Variants in FERRY3 observed in about 807,000 individuals in gnomAD.
FERRY3 encodes FERRY endosomal RAB5 effector complex subunit 3.
the FERRY3 span, among the ~76,000 whole-genome samples, chr12:4,520,421 A>G: frequency 6.6e-6 from 1 of 152,220 alleles, no homozygotes; most frequent in East Asian, 1.9e-4. Flanking sequence ...ACAAGTAACA[A>G]GCCTACTGCT....
At chr12:4,521,493 G>T in the FERRY3 span, among the ~76,000 whole-genome samples, 10 of 152,094 alleles carry the variant, frequency 6.6e-5, no homozygotes, top group African/African-American at 2.4e-4. Context: ...GGGACGAAAA[G>T]AAAGGGACTT....
the FERRY3 span, chr12:4,517,256 A>AT: frequency 2.2e-6 from 3 of 1,365,468 alleles, no homozygotes; most frequent in Non-Finnish European, 2.9e-6. Context: ...TTTACTTACA[A>AT]TGAGATTTAG....
the FERRY3 span, among the ~76,000 whole-genome samples, chr12:4,537,799 G>A: frequency 3.3e-5 from 5 of 152,084 alleles, no homozygotes; most frequent in South Asian, 1.0e-3. Flanking sequence ...ACTACATAAA[G>A]GTATATTCTA....
chr12:4,528,938 C>A, the FERRY3 span, among the ~76,000 whole-genome samples: 1 of 118,682 alleles, frequency 8.4e-6, no homozygotes, highest in Admixed American at 8.5e-5. Context: ...CACACACACA[C>A]AAACAAAAGT....
the FERRY3 span, chr12:4,487,859 T>C: frequency 6.6e-6 from 1 of 152,138 alleles, no homozygotes; most frequent in Non-Finnish European, 1.5e-5. Flanking sequence ...ACATCATTCA[T>C]GAAGTGCTTT....
the FERRY3 span, chr12:4,518,247 A>C: frequency 6.2e-7 from 1 of 1,613,966 alleles, no homozygotes; most frequent in Admixed American, 1.7e-5. Flanking sequence ...ATGGTCTTCA[A>C]CTGGGCTCCT....
At chr12:4,523,423 C>T in the FERRY3 span, among the ~76,000 whole-genome samples, 1 of 152,158 alleles carries the variant, frequency 6.6e-6, no homozygotes, top group Non-Finnish European at 1.5e-5. Context: ...GGATCTAGAA[C>T]TAGAAATACC....
the FERRY3 span, among the ~76,000 whole-genome samples, chr12:4,493,406 C>T: frequency 1.3e-5 from 2 of 152,164 alleles, no homozygotes; most frequent in Admixed American, 1.3e-4. Context: ...TATCCATGGA[C>T]ATTTAAAAAG....
chr12:4,533,277 G>A, the FERRY3 span, among the ~76,000 whole-genome samples: 2 of 151,904 alleles, frequency 1.3e-5, no homozygotes, highest in Admixed American at 6.6e-5. Flanking sequence ...AAACTTTGCC[G>A]CCTTAAAAAA....
At chr12:4,531,911 T>A in the FERRY3 span, among the ~76,000 whole-genome samples, 8 of 152,068 alleles carry the variant, frequency 5.3e-5, no homozygotes, top group Admixed American at 2.0e-4. Flanking sequence ...CTACAATCTT[T>A]ACTGTGGAGT....
chr12:4,502,697 T>C, the FERRY3 span, among the ~76,000 whole-genome samples: 18 of 152,248 alleles, frequency 1.2e-4, no homozygotes, highest in African/African-American at 4.3e-4. This position sits in a 1 kb window ranked among gnomAD's most constrained non-coding sequence, Gnocchi z 4.2. Flanking sequence ...CTTAAAATAC[T>C]TAATATACTT....
chr12:4,487,735 T>C, the FERRY3 span: 1 of 152,336 alleles, frequency 6.6e-6, no homozygotes, highest in South Asian at 2.1e-4. Flanking sequence ...AGATGTTATA[T>C]TGTATTTTTA....
the FERRY3 span, among the ~76,000 whole-genome samples, chr12:4,506,727 T>TA: frequency 2.0e-5 from 3 of 152,170 alleles, no homozygotes; most frequent in Admixed American, 6.5e-5. Context: ...TTATTTTTTT[T>TA]AAATGTATAT....
the FERRY3 span, among the ~76,000 whole-genome samples, chr12:4,492,354 C>T: frequency 1.3e-5 from 2 of 152,236 alleles, no homozygotes; most frequent in East Asian, 1.9e-4. Context: ...TCACACAGCA[C>T]GTAGCTTCTG....
At chr12:4,501,374 G>C in the FERRY3 span, among the ~76,000 whole-genome samples, 3 of 152,096 alleles carry the variant, frequency 2.0e-5, no homozygotes, top group Non-Finnish European at 4.4e-5. Flanking sequence ...TCGTGGTCTA[G>C]AACAAGGGTC....
the FERRY3 span, among the ~76,000 whole-genome samples, chr12:4,493,373 CAT>C: frequency 1.5e-3 from 223 of 152,262 alleles, 1 homozygote; most frequent in Middle Eastern, 0.01. Context: ...TGCTCAAAAA[CAT>C]AGGTTGAGTG....
chr12:4,494,614 T>C, the FERRY3 span, among the ~76,000 whole-genome samples: 4 of 152,258 alleles, frequency 2.6e-5, no homozygotes, highest in Non-Finnish European at 5.9e-5. Context: ...CTTGGCATCT[T>C]TGCTGGAGAT....
At chr12:4,513,106 CAGAG>C in the FERRY3 span, among the ~76,000 whole-genome samples, 1 of 56,608 alleles carries the variant, frequency 1.8e-5, no homozygotes, top group African/African-American at 7.5e-5. Context: ...AACAGACAAA[CAGAG>C]AGCCAAATCA....
the FERRY3 span, among the ~76,000 whole-genome samples, chr12:4,529,271 C>G: frequency 3.3e-5 from 5 of 152,080 alleles, no homozygotes; most frequent in African/African-American, 9.7e-5. Flanking sequence ...GAATTCAAAT[C>G]TAATTACAAT....
Sources: allele counts gnomAD v4.1 joint callset (sites outside exome capture counted in the v4.1 genomes callset), GRCh38; gene constraint gnomAD v4.1.1; non-coding constraint Gnocchi (gnomAD v3.1); transcripts MANE v1.5; gene names NCBI Gene and HGNC (gene_info 2026-07-23, HGNC 2026-07-21).